The following RNF214 variants were observed in gnomAD, a reference collection of about 807,000 sequenced individuals.
The protein encoded by RNF214 is ring finger protein 214.
RNF214 carries 25 observed loss-of-function variants against 75.9 expected under a neutral mutation model. The ratio of observed to expected loss-of-function variants is 0.33; its 90% CI spans 0.24 to 0.46. The LOEUF (loss-of-function observed/expected upper bound fraction) is 0.46. Among genes scored for constraint, RNF214 ranks in the 20% least tolerant of loss-of-function variants. RNF214 has a pLI of 1.00. For missense variants in RNF214, 725 were observed against 857.5 expected (o/e 0.85, Z 1.93); for synonymous variants, 314 against 308.8 (o/e 1.02, Z -0.18).
chr11:117,268,173 A>G (rs899218706), intron 6 of RNF214, among the ~76,000 whole-genome samples: 1 of 152,214 alleles, frequency 6.6e-6, no homozygotes, highest in African/African-American at 2.4e-5. Flanking sequence ...GACCACCTGT[A>G]CTGGCTTTAT....
intron 1 of RNF214, 96 bp downstream of exon 1, chr11:117,232,822 G>T (rs1591812258): frequency 6.6e-6 from 1 of 151,098 alleles, no homozygotes; most frequent in African/African-American, 2.4e-5. Context: ...CGAGGGCCGG[G>T]CATGGGGGTC....
At chr11:117,237,855 A>G (rs1489483668) in intron 2 of RNF214, among the ~76,000 whole-genome samples, 2 of 152,160 alleles carry the variant, frequency 1.3e-5, no homozygotes, top group Non-Finnish European at 2.9e-5. Context: ...ACTGTTGAAG[A>G]ACCTAAAAAG....
intron 2 of RNF214, among the ~76,000 whole-genome samples, chr11:117,237,727 C>T (rs570952116): frequency 6.6e-6 from 1 of 152,126 alleles, no homozygotes; most frequent in East Asian, 1.9e-4. Flanking sequence ...GACAGAATAT[C>T]CTAATGTTAA....
At chr11:117,269,994 GTCTCT>G (rs920084055) in intron 6 of RNF214, among the ~76,000 whole-genome samples, 1 of 152,232 alleles carries the variant, frequency 6.6e-6, no homozygotes, top group Admixed American at 6.5e-5. Context: ...ATGACTTCCA[GTCTCT>G]TCTCTTCTCT....
intron 6 of RNF214, among the ~76,000 whole-genome samples, chr11:117,271,223 G>A (rs191388266): frequency 1.3e-4 from 20 of 152,212 alleles, no homozygotes; most frequent in Non-Finnish European, 2.1e-4. Context: ...TCAAAGCATC[G>A]TATTTTGGGG....
At chr11:117,284,467 C>T (rs542626620) in intron 14 of RNF214, among the ~76,000 whole-genome samples, 65 of 152,256 alleles carry the variant, frequency 4.3e-4, no homozygotes, top group African/African-American at 1.6e-3. Flanking sequence ...GGTCTTAGAA[C>T]AGAGATGCTC....
intron 6 of RNF214, among the ~76,000 whole-genome samples, chr11:117,268,914 T>C (rs1334284240): frequency 6.6e-6 from 1 of 152,134 alleles, no homozygotes; most frequent in East Asian, 1.9e-4. Flanking sequence ...CCTCTAAAAG[T>C]TCACTAAAAA....
At chr11:117,283,400 G>T (rs940766320) in intron 14 of RNF214, among the ~76,000 whole-genome samples, 190 bp downstream of exon 14, 5 of 151,168 alleles carry the variant, frequency 3.3e-5, no homozygotes, top group Non-Finnish European at 5.9e-5. Flanking sequence ...TCGCTCTGTT[G>T]CCCAGGCTGG....
chr11:117,244,322 T>C (rs566878502), intron 4 of RNF214, 123 bp from the exon 5 acceptor site: 2 of 708,196 alleles, frequency 2.8e-6, no homozygotes, highest in South Asian at 3.7e-5. Flanking sequence ...ATATGGCTAG[T>C]AGAGTAGCTT....
chr11:117,282,594 A>AT, intron 12 of RNF214, 58 bp downstream of exon 12: 3 of 1,594,100 alleles, frequency 1.9e-6, no homozygotes, highest in Non-Finnish European at 2.6e-6. Context: ...GAAGAGGTAG[A>AT]TTTCAGAAAA....
chr11:117,269,202 G>A (rs1293774270), intron 6 of RNF214, among the ~76,000 whole-genome samples: 1 of 152,052 alleles, frequency 6.6e-6, no homozygotes, highest in Non-Finnish European at 1.5e-5. Context: ...CCAGGAGTTT[G>A]AGACCAGCCT....
At chr11:117,259,287 G>A (rs1340979689) in intron 6 of RNF214, among the ~76,000 whole-genome samples, 1 of 152,108 alleles carries the variant, frequency 6.6e-6, no homozygotes, top group African/African-American at 2.4e-5. Context: ...TCTTACTAAT[G>A]TATTGGAGTT....
At position 117,238,654 on chromosome 11, in the gene RNF214, G is replaced by C; in HGVS notation, c.161G>C (p.Ser54Thr). The C allele has an allele frequency of 6.2e-7, 1 of 1,614,130 alleles. No homozygotes were observed. The highest frequency in any genetic ancestry group is 8.5e-7 in the Non-Finnish European group (1 of 1,180,006). The change falls in exon 3 of 15, where the codon AGC becomes ACC. Residue 54 changes from serine (S) to threonine (T), a missense_variant. Transcript: ENST00000300650. ...AACTCGCCTCTGTTGAGTGTAAGTA[G>C]CCAAACAATAACCAAGGAGAATAAC... The part of the protein sequence containing the change: ...QKNSPLLSVS[S>T]QTITKENNRN...
At chr11:117,263,402 A>G (rs1393206209) in intron 6 of RNF214, among the ~76,000 whole-genome samples, 3 of 151,866 alleles carry the variant, frequency 2.0e-5, no homozygotes, top group African/African-American at 4.8e-5. Flanking sequence ...CAGCCCCGCA[A>G]GTGGCTGGGA....
At chr11:117,281,505 C>G in intron 9 of RNF214, 95 bp from the exon 10 acceptor site, 7 of 1,377,634 alleles carry the variant, frequency 5.1e-6, no homozygotes, top group Non-Finnish European at 6.2e-6. Context: ...GGGGCCTATC[C>G]TACTATTCCT....
chr11:117,262,614 G>GC (rs1026537156), intron 6 of RNF214, among the ~76,000 whole-genome samples: 2 of 151,056 alleles, frequency 1.3e-5, no homozygotes, highest in African/African-American at 4.9e-5. Flanking sequence ...ACTCCTGGCC[G>GC]CAAGTGATCC....
chr11:117,251,928 G>A (rs2033405142), intron 6 of RNF214, among the ~76,000 whole-genome samples: 1 of 152,170 alleles, frequency 6.6e-6, no homozygotes, highest in African/African-American at 2.4e-5. Context: ...GAGTGCAGTG[G>A]CACGATCTTG....
At chr11:117,241,189 A>C (rs1247032809) in intron 4 of RNF214, among the ~76,000 whole-genome samples, 1 of 151,720 alleles carries the variant, frequency 6.6e-6, no homozygotes, top group African/African-American at 2.4e-5. Flanking sequence ...AAAACAAACA[A>C]ACAACAACAA....
intron 6 of RNF214, among the ~76,000 whole-genome samples, chr11:117,252,734 A>C (rs545340716): frequency 3.7e-4 from 56 of 151,840 alleles, no homozygotes; most frequent in African/African-American, 1.0e-3. Context: ...GTTAGCCAGG[A>C]TGGTCTCGCT....
Sources: allele counts gnomAD v4.1 joint callset (sites outside exome capture counted in the v4.1 genomes callset), GRCh38; gene constraint gnomAD v4.1.1; transcripts MANE v1.5; gene names NCBI Gene and HGNC (gene_info 2026-07-23, HGNC 2026-07-21).